The following ETFDH variants were observed in gnomAD, a reference collection of about 807,000 sequenced individuals.
ETFDH encodes the protein electron transfer flavoprotein-ubiquinone oxidoreductase, mitochondrial.
Under a neutral mutation model 73.2 loss-of-function variants are expected in ETFDH, and 61 were observed. That is an observed-to-expected ratio of 0.83 (90% CI 0.68 to 1.03). The LOEUF is 1.03. ETFDH is among the 50% of genes least tolerant of loss of function. The probability of loss-of-function intolerance (pLI) is 0.00; values close to 1 mark genes in which losing one functional copy is unlikely to be tolerated. For synonymous variants in ETFDH, 243 were observed against 253.3 expected (o/e 0.96, Z 0.39); for missense variants, 685 against 745.0 (o/e 0.92, Z 0.94).
rs377544087 is a variant in ETFDH, at chr4:158,708,365, A to T, written c.1692A>T (p.Gly564=). The T allele has an allele frequency of 1.1e-4, 174 of 1,608,384 alleles. No individual in the cohort carries two copies. The highest frequency in any genetic ancestry group is 1.4e-4 in the Non-Finnish European group (168 of 1,175,218). The change falls in exon 13 of 13, where the codon GGA becomes GGT. Residue 564 remains glycine, a splice_region_variant and synonymous_variant. Coordinates refer to ENST00000511912, the MANE Select transcript of ETFDH (RefSeq NM_004453.4). ...ATATTATTTATTTTTACTTTTCAGG[A>T]GTTTATGAATTTGTACCTGTGGAAC... ...DGPEQRFCPA[G]VYEFVPVEQG... is the part of the protein sequence containing the mutation.
intron 5 of ETFDH, among the ~76,000 whole-genome samples, chr4:158,688,390 CAA>C (rs34614893): frequency 2.2e-3 from 221 of 100,082 alleles, no homozygotes; most frequent in African/African-American, 3.5e-3. Context: ...GACTCTGTCT[CAA>C]AAAAAAAAAA....
chr4:158,696,373 G>A (rs546366941), intron 7 of ETFDH, among the ~76,000 whole-genome samples: 1 of 152,114 alleles, frequency 6.6e-6, no homozygotes, highest in East Asian at 1.9e-4. Flanking sequence ...AGGTGTGGTG[G>A]TGCACACCTG....
Position 158,706,298 on chromosome 4 carries a change from T to C in ETFDH, c.1395T>C (p.Tyr465=), listed in dbSNP as rs745714733. 3 of 1,613,096 alleles carry C rather than the reference T, an allele frequency of 1.9e-6. No individual in the cohort carries two copies. Among genetic ancestry groups the C allele is most frequent in the African/African-American group, 1.3e-5 (1 of 75,044 alleles). The change falls in exon 11 of 13, where the codon TAT becomes TAC. Residue 465 remains tyrosine, a synonymous_variant. Transcript: ENST00000511912. ...RPSCHGVLGV[Y]GGMIYTGIFY... The stretch of plus-strand genomic sequence containing the variant: ...CCTGCCACGGAGTACTGGGTGTATA[T>C]GGAGGGATGATTTACACTGGAATCT...
chr4:158,694,725 A>T (rs1774265402), intron 6 of ETFDH, among the ~76,000 whole-genome samples: 2 of 152,196 alleles, frequency 1.3e-5, no homozygotes, highest in African/African-American at 4.8e-5. Flanking sequence ...TATACTACTG[A>T]TGGAAATATA....
intron 10 of ETFDH, among the ~76,000 whole-genome samples, chr4:158,705,294 C>T (rs1049180019): frequency 6.6e-6 from 1 of 152,166 alleles, no homozygotes; most frequent in East Asian, 1.9e-4. Context: ...AATTCCTTGG[C>T]TCAAGCAGTC....
At chr4:158,673,114 G>A (rs1238065368) in intron 1 of ETFDH, among the ~76,000 whole-genome samples, 1 of 152,156 alleles carries the variant, frequency 6.6e-6, no homozygotes, top group Non-Finnish European at 1.5e-5. Context: ...GACCAGCCTG[G>A]CCAACATTGT....
At chr4:158,674,230 A>G (rs1773657543) in intron 1 of ETFDH, among the ~76,000 whole-genome samples, 3 of 152,168 alleles carry the variant, frequency 2.0e-5, no homozygotes. Flanking sequence ...TGTATTTAAT[A>G]TACTTTTTTT....
chr4:158,680,694 A>G, intron 2 of ETFDH, 87 bp downstream of exon 2: 1 of 1,129,688 alleles, frequency 8.9e-7, no homozygotes, highest in Admixed American at 1.7e-5. Context: ...ATTTTTCATA[A>G]TTTAAAAACA....
At chr4:158,700,580 AC>A (rs1561248544) in intron 9 of ETFDH, 5 of 139,260 alleles carry the variant, frequency 3.6e-5, no homozygotes, top group Non-Finnish European at 1.6e-5. Context: ...ACGCACACAC[AC>A]ACACACACAC....
intron 1 of ETFDH, among the ~76,000 whole-genome samples, chr4:158,678,525 A>G (rs1457558572): frequency 6.6e-6 from 1 of 152,112 alleles, no homozygotes; most frequent in Non-Finnish European, 1.5e-5. Context: ...GATATCTGCC[A>G]TATTTCTCTA....
At chr4:158,680,672 G>C (rs377076490) in intron 2 of ETFDH, 65 bp downstream of exon 2, 28 of 1,330,344 alleles carry the variant, frequency 2.1e-5, no homozygotes, top group East Asian at 4.6e-5. Context: ...TTTTGTGGAG[G>C]AGAGTATTAA....
At chr4:158,706,524 T>C in intron 11 of ETFDH, 105 bp from the exon 12 acceptor site, 1 of 1,117,564 alleles carries the variant, frequency 8.9e-7, no homozygotes, top group Admixed American at 1.7e-5. Flanking sequence ...GGGCTAGTCA[T>C]ATTTCTTTGG....
At chr4:158,692,225 C>T (rs1205713948) in intron 6 of ETFDH, among the ~76,000 whole-genome samples, 1 of 151,748 alleles carries the variant, frequency 6.6e-6, no homozygotes, top group African/African-American at 2.4e-5. Context: ...AACCCTGTCC[C>T]TACTGAAAAA....
Position 158,682,243 on chromosome 4 carries a change from G to A in ETFDH, c.224G>A (p.Gly75Asp). 6.2e-7 allele frequency: 1 copy of A among 1,614,158 alleles called. No homozygotes were observed. The highest frequency in any genetic ancestry group is 8.5e-7 in the Non-Finnish European group (1 of 1,180,014). ...FAEEADVVIV[G>D]AGPAGLSAAV... Reference sequence around the variant, plus strand: ...GAAGAAGCAGATGTTGTAATAGTTGGTGCAGGCCCTGCAGGGCTCTCTGCA... The same window carrying A: ...GAAGAAGCAGATGTTGTAATAGTTGATGCAGGCCCTGCAGGGCTCTCTGCA... Residue 75 changes from glycine to aspartate, a missense_variant, in exon 3 of 13, where the codon GGT (glycine) becomes GAT (aspartate). By Grantham distance (94) the Gly-to-Asp change is moderately conservative. Around this residue, in one of 3 missense-constraint regions of ETFDH, gnomAD observed 405 missense variants for 399.3 expected, o/e 1.01. Coordinates refer to ENST00000511912, the MANE Select transcript of ETFDH (RefSeq NM_004453.4).
At position 158,690,441 on chromosome 4, in the gene ETFDH, A is replaced by C; in HGVS notation, c.684+16A>C. 7.3e-7 allele frequency: 1 copy of C among 1,373,166 alleles called. No individual in the cohort carries two copies. Among genetic ancestry groups the C allele is most frequent in the Non-Finnish European group, 1.0e-6 (1 of 960,060 alleles). The allele number at this position is 1,373,166 out of a possible 1,614,324, so 85.1% of individuals were successfully genotyped here. On this transcript the variant is annotated intron_variant, in intron 6 of 12. Coordinates refer to ENST00000511912, the MANE Select transcript of ETFDH (RefSeq NM_004453.4). ...TGCACCAAAGGTAAACCTTTTTAATAGTTACGTGCTTAATAAAGCGACAAA... is the reference window on the plus strand; with the variant it reads ...TGCACCAAAGGTAAACCTTTTTAATCGTTACGTGCTTAATAAAGCGACAAA...
At chr4:158,682,530 C>CA in intron 3 of ETFDH, 106 bp downstream of exon 3, 4 of 669,520 alleles carry the variant, frequency 6.0e-6, no homozygotes, top group Non-Finnish European at 9.3e-6. Context: ...GTAACTCTAT[C>CA]TTTTTTTTTT....
chr4:158,690,535 T>G, intron 6 of ETFDH, 110 bp downstream of exon 6: 2 of 776,766 alleles, frequency 2.6e-6, no homozygotes, highest in South Asian at 2.8e-5. Flanking sequence ...CAAAATTAGC[T>G]GGGCTTCGTG....
rs1351724788 is a variant in ETFDH at position 158,698,969 on chromosome 4, TAA to T, written c.973-17_973-16del. The stretch of plus-strand genomic sequence containing the variant: ...TGAAATAAAAATGTCTAATTAAATA[TAA>T]GTGTAAATTTTTAAGGTTGGTCTAG... On this transcript the variant is annotated splice_polypyrimidine_tract_variant and intron_variant, in intron 8 of 12. Transcript: ENST00000511912. The T allele has an allele frequency of 6.0e-6, 9 of 1,510,828 alleles. No individual in the cohort carries two copies. Among genetic ancestry groups the T allele is most frequent in the Admixed American group, 3.4e-5 (2 of 58,994 alleles). The allele number at this position is 1,510,828 out of a possible 1,614,324, so 93.6% of individuals were successfully genotyped here.
chr4:158,674,245 C>A (rs1431399473), intron 1 of ETFDH, among the ~76,000 whole-genome samples: 5 of 150,368 alleles, frequency 3.3e-5, no homozygotes, highest in African/African-American at 1.2e-4. Context: ...TTTTTTTTTC[C>A]AAAATTGAGG....
Sources: gnomAD v4.1 joint callset for allele counts (sites outside exome capture counted in the v4.1 genomes callset) on GRCh38, gnomAD v4.1.1 for gene constraint, gnomAD v4.1.1 regional missense constraint, MANE v1.5 for transcripts, NCBI Gene and HGNC (gene_info 2026-07-23, HGNC 2026-07-21) for gene names.